Variants in GRIN3A observed in about 807,000 individuals in gnomAD.
GRIN3A encodes glutamate ionotropic receptor NMDA type subunit 3A.
In GRIN3A, 47 loss-of-function variants were observed where a neutral mutation model predicts 92.4. That is an observed-to-expected ratio of 0.51 (90% CI 0.40 to 0.65). The LOEUF is 0.65. Ranked by LOEUF, GRIN3A falls within the 30% of genes least tolerant of loss-of-function variation. GRIN3A has a pLI of 0.00. For missense variants in GRIN3A, 1,324 were observed against 1,393.1 expected, an observed-to-expected ratio of 0.95 and a Z score of 0.79; for synonymous variants, 527 against 540.6, an observed-to-expected ratio of 0.97 and a Z score of 0.35.
chr9:101,595,087 A>G, intron 6 of GRIN3A: 2 of 666,290 alleles, frequency 3.0e-6, no homozygotes, highest in Non-Finnish European at 5.0e-6. Context: ...GAGGGGCGGC[A>G]GGTCAGAGAG....
At chr9:101,578,278 A>G (rs929796354) in intron 7 of GRIN3A, among the ~76,000 whole-genome samples, 1 of 152,196 alleles carries the variant, frequency 6.6e-6, no homozygotes, top group Non-Finnish European at 1.5e-5. Context: ...GAGTTCTCCT[A>G]GAAGACCAAA....
chr9:101,715,772 C>A (rs1011236542), intron 1 of GRIN3A, among the ~76,000 whole-genome samples: 1 of 151,942 alleles, frequency 6.6e-6, no homozygotes, highest in Admixed American at 6.6e-5. Flanking sequence ...TTACTATGAG[C>A]AAAACAGTGT....
chr9:101,571,881 G>A lies in GRIN3A; in HGVS notation c.*1293C>T, dbSNP rs1243982981. On this transcript the variant is annotated 3_prime_UTR_variant, in exon 9 of 9. Coordinates refer to ENST00000361820, the MANE Select transcript of GRIN3A (RefSeq NM_133445.3). ...CCGCACTCTGATGAGTTCTCTACTA[G>A]ATGACTCTTATCTACATTGACATTT... is the stretch of plus-strand genomic sequence containing the variant. 6.6e-6 allele frequency: 1 copy of A among 152,190 alleles called. No individual in the cohort carries two copies. Among genetic ancestry groups the A allele is most frequent in the Admixed American group, 6.5e-5 (1 of 15,276 alleles). 9.4% of individuals were successfully genotyped at this position (152,190 alleles called of 1,614,324 possible).
chr9:101,729,784 A>G (rs370184583), intron 1 of GRIN3A, among the ~76,000 whole-genome samples: 1 of 152,134 alleles, frequency 6.6e-6, no homozygotes, highest in African/African-American at 2.4e-5. Flanking sequence ...CTCTTCTGCC[A>G]CTTCTTTCTT....
chr9:101,651,572 C>A (rs1273025318), intron 3 of GRIN3A, among the ~76,000 whole-genome samples: 1 of 151,648 alleles, frequency 6.6e-6, no homozygotes, highest in Admixed American at 6.6e-5. Context: ...CCTCCACAGA[C>A]CCTATGCACA....
chr9:101,737,568 C>A lies in GRIN3A; in HGVS notation c.412G>T (p.Val138Leu), dbSNP rs139027120. 74 of 1,614,078 alleles carry A rather than the reference C, an allele frequency of 4.6e-5. No homozygotes were observed. In the African/African-American group the frequency reaches 9.1e-4, roughly 20 times the overall value. The change falls in exon 1 of 9, where the codon GTG becomes TTG. Residue 138 changes from valine (V) to leucine (L), a missense_variant. Transcript: ENST00000361820. Reference sequence around the variant, plus strand: ...AGGTTGTAGGGTAGCAGCCCTTCCACGCGGTTCAGGTTGTCCACGGCAAAT... The same window carrying A: ...AGGTTGTAGGGTAGCAGCCCTTCCAAGCGGTTCAGGTTGTCCACGGCAAAT... ...LLFAVDNLNR[V>L]EGLLPYNLSL...
At chr9:101,677,154 A>T (rs1428490938) in intron 2 of GRIN3A, among the ~76,000 whole-genome samples, 1 of 151,724 alleles carries the variant, frequency 6.6e-6, no homozygotes, top group Non-Finnish European at 1.5e-5. Flanking sequence ...TGAATTATTT[A>T]CTATACATAG....
At position 101,628,299 on chromosome 9, in the gene GRIN3A, T is replaced by G. The variant is rs376371207; in HGVS notation, c.2455A>C (p.Arg819=). Residue 819 remains arginine (R), a synonymous_variant, in exon 4 of 9, where the codon AGG becomes CGG. Transcript: ENST00000361820. ...SFPEMHEYMR[R]YNVPATPDGV... ...TCAGGGGTGGCTGGAACATTGTACC[T>G]TCTCATATATTCATGCATCTCTGGG... 1 of 1,613,882 alleles carries G rather than the reference T, an allele frequency of 6.2e-7. No individual in the cohort carries two copies. The highest frequency in any genetic ancestry group is 8.5e-7 in the Non-Finnish European group (1 of 1,179,914).
At chr9:101,664,260 C>T (rs773312205) in intron 3 of GRIN3A, among the ~76,000 whole-genome samples, 6 of 151,850 alleles carry the variant, frequency 4.0e-5, no homozygotes, top group Non-Finnish European at 8.8e-5. Context: ...TGCTTGCTTC[C>T]ATCTCTCTAC....
chr9:101,641,671 C>T (rs1828865617), intron 3 of GRIN3A, among the ~76,000 whole-genome samples: 1 of 151,722 alleles, frequency 6.6e-6, no homozygotes, highest in East Asian at 1.9e-4. Flanking sequence ...AGGAGATATA[C>T]CTAATGCTAA....
At chr9:101,592,564 G>A (rs1828045419) in intron 6 of GRIN3A, 1 of 152,176 alleles carries the variant, frequency 6.6e-6, no homozygotes, top group African/African-American at 2.4e-5. Flanking sequence ...AGGTGTGTCT[G>A]AATCTTTGAA....
Position 101,738,245 on chromosome 9 carries a change from C to A in GRIN3A, c.-266G>T. On this transcript the variant is annotated 5_prime_UTR_variant, in exon 1 of 9. Transcript: ENST00000361820. ...CTGAGCAGGCAGGCGGGCGGGCCGG[C>A]GCCTGTCACCCGCAGCTGGAGCGCC... The A allele has an allele frequency of 3.9e-6, 2 of 512,168 alleles. No individual in the cohort carries two copies. The highest frequency in any genetic ancestry group is 4.4e-5 in the South Asian group (2 of 45,674). The allele number at this position is 512,168 out of a possible 1,614,324, so 31.7% of individuals were successfully genotyped here.
chr9:101,628,362 G>A lies in GRIN3A; in HGVS notation c.2392C>T (p.Arg798Ter), dbSNP rs745540825. Residue 798 changes from arginine to a stop codon, truncating the protein, a stop_gained, in exon 4 of 9, where the codon CGA becomes TGA. Coordinates refer to ENST00000361820, the MANE Select transcript of GRIN3A (RefSeq NM_133445.3). LOFTEE classifies it high-confidence loss of function. Reference sequence around the variant, plus strand: ...ACATAATCTTCAGCACTGCTTTCTCGGACAGTTCCAAAGCGGAATCCTTGG... The same window carrying A: ...ACATAATCTTCAGCACTGCTTTCTCAGACAGTTCCAAAGCGGAATCCTTGG... ...PSQGFRFGTV[R>*]ESSAEDYVRQ... 3.1e-6 allele frequency: 5 copies of A among 1,613,744 alleles called. No individual in the cohort carries two copies. Among genetic ancestry groups the A allele is most frequent in the South Asian group, 2.2e-5 (2 of 91,064 alleles).
intron 1 of GRIN3A, 136 bp downstream of exon 1, chr9:101,737,145 C>T: frequency 1.4e-6 from 1 of 732,416 alleles, no homozygotes; most frequent in Admixed American, 2.1e-5. Flanking sequence ...CGAACATGGC[C>T]CAATCGTTAA....
chr9:101,662,053 G>T (rs768133665), intron 3 of GRIN3A, among the ~76,000 whole-genome samples: 11 of 151,042 alleles, frequency 7.3e-5, no homozygotes, highest in Admixed American at 1.3e-4. Flanking sequence ...TATATACCTT[G>T]CTATCTTCCC....
At chr9:101,637,892 G>A (rs1828805588) in intron 3 of GRIN3A, among the ~76,000 whole-genome samples, 1 of 152,132 alleles carries the variant, frequency 6.6e-6, no homozygotes, top group Non-Finnish European at 1.5e-5. Flanking sequence ...GTCACAAAAA[G>A]TGATGTAAGA....
chr9:101,647,515 T>G (rs1263389309), intron 3 of GRIN3A, among the ~76,000 whole-genome samples: 2 of 151,960 alleles, frequency 1.3e-5, no homozygotes, highest in East Asian at 3.9e-4. Context: ...TCTTGTAGAA[T>G]GAGTTTGGAA....
intron 3 of GRIN3A, among the ~76,000 whole-genome samples, chr9:101,648,401 G>C (rs1346884229): frequency 1.3e-5 from 2 of 152,026 alleles, no homozygotes; most frequent in Non-Finnish European, 1.5e-5. Flanking sequence ...ATTGGAGAAT[G>C]TTCCATGTGC....
chr9:101,608,970 A>C (rs1469408146), intron 6 of GRIN3A, among the ~76,000 whole-genome samples: 1 of 152,222 alleles, frequency 6.6e-6, no homozygotes, highest in African/African-American at 2.4e-5. Context: ...TGAGAGAAGA[A>C]GCAGCTTTCA....
Sources: gnomAD v4.1 joint callset for allele counts (sites outside exome capture counted in the v4.1 genomes callset) on GRCh38, gnomAD v4.1.1 for gene constraint, MANE v1.5 for transcripts, NCBI Gene and HGNC (gene_info 2026-07-23, HGNC 2026-07-21) for gene names.